Variants in PRKCA observed in about 807,000 individuals in gnomAD.
PRKCA encodes the protein protein kinase C alpha.
Under a neutral mutation model 87.0 loss-of-function variants are expected in PRKCA, and 27 were observed. The observed-to-expected ratio is 0.31, with a 90% confidence interval of 0.23 to 0.43. The LOEUF is 0.43. Among genes scored for constraint, PRKCA ranks in the 20% least tolerant of loss-of-function variants. PRKCA has a pLI of 1.00. For synonymous variants in PRKCA, 329 were observed against 311.1 expected (o/e 1.06, Z -0.61); for missense variants, 518 against 852.3 (o/e 0.61, Z 4.88).
chr17:66,541,216 T>A (rs973806145), intron 3 of PRKCA, among the ~76,000 whole-genome samples: 6 of 152,164 alleles, frequency 3.9e-5, no homozygotes, highest in Admixed American at 2.6e-4. Flanking sequence ...GATTTTGATA[T>A]GTTGTGTGCC....
chr17:66,553,095 C>T (rs1364043390), intron 3 of PRKCA, among the ~76,000 whole-genome samples: 1 of 151,930 alleles, frequency 6.6e-6, no homozygotes, highest in East Asian at 1.9e-4. Flanking sequence ...GATTCTTCTG[C>T]CTCAGCCTCC....
chr17:66,765,432 A>ATCTATATCTATATC lies in PRKCA; in HGVS notation c.1525-8554_1525-8553insCTATATCTATATCT, dbSNP rs1568020958. ...CAAGACTTTGTCTATATATATATAT[A>ATCTATATCTATATC]TATATATATATATATATATATATCC... is the stretch of plus-strand genomic sequence containing the variant. On this transcript the variant is annotated intron_variant, in intron 13 of 16. Coordinates refer to ENST00000413366, the MANE Select transcript of PRKCA (RefSeq NM_002737.3). 1.4e-4 allele frequency among the ~76,000 whole-genome samples: 19 copies of ATCTATATCTATATC among 131,214 alleles called. 1 individual carries two copies. Among genetic ancestry groups the ATCTATATCTATATC allele is most frequent in the Non-Finnish European group, 2.1e-4 (13 of 61,762 alleles). 86.1% of individuals were successfully genotyped at this position (131,214 alleles called of 152,430 possible).
At chr17:66,796,190 A>C (rs560451753) in intron 16 of PRKCA, among the ~76,000 whole-genome samples, 1 of 152,124 alleles carries the variant, frequency 6.6e-6, no homozygotes, top group African/African-American at 2.4e-5. Flanking sequence ...TATCTCCCCA[A>C]CTACTGGTCC....
At chr17:66,596,632 A>G (rs986775023) in intron 3 of PRKCA, among the ~76,000 whole-genome samples, 1 of 109,958 alleles carries the variant, frequency 9.1e-6, no homozygotes, top group African/African-American at 4.0e-5. Context: ...CACATTGTGC[A>G]GGTTAGTTAC....
chr17:66,431,192 T>C (rs140220809), intron 2 of PRKCA, among the ~76,000 whole-genome samples: 73 of 152,356 alleles, frequency 4.8e-4, no homozygotes, highest in African/African-American at 1.7e-3. Flanking sequence ...AACAATGTAT[T>C]TGAAGTTCCT....
chr17:66,741,983 A>G (rs925374441), intron 12 of PRKCA, among the ~76,000 whole-genome samples: 2 of 152,114 alleles, frequency 1.3e-5, no homozygotes, highest in Admixed American at 1.3e-4. Flanking sequence ...AGCTCCTTCC[A>G]CTGCCTTTTC....
At position 66,683,066 on chromosome 17, in the gene PRKCA, C is replaced by A. The variant is rs111408632; in HGVS notation, c.530-4045C>A. Among the ~76,000 whole-genome samples, 6 of 152,274 alleles carry A rather than the reference C, an allele frequency of 3.9e-5. 1 individual carries two copies. Among genetic ancestry groups the A allele is most frequent in the African/African-American group, 1.4e-4 (6 of 41,566 alleles). ...GTTGAAGCAGCAAAGACTTCTGGGG[C>A]TGGAATATCCTTAACACACTAGCGC... On this transcript the variant is annotated intron_variant, in intron 5 of 16. Coordinates refer to ENST00000413366, the MANE Select transcript of PRKCA (RefSeq NM_002737.3).
intron 10 of PRKCA, among the ~76,000 whole-genome samples, chr17:66,736,801 T>G (rs1240150638): frequency 6.6e-6 from 1 of 152,194 alleles, no homozygotes; most frequent in Non-Finnish European, 1.5e-5. Context: ...AATTTTAAAT[T>G]TCAGCATCCA....
intron 2 of PRKCA, among the ~76,000 whole-genome samples, chr17:66,469,921 A>G (rs1915248514): frequency 6.6e-6 from 1 of 152,236 alleles, no homozygotes; most frequent in South Asian, 2.1e-4. Flanking sequence ...AACTTAGAGC[A>G]CTGCGAAGGA....
intron 2 of PRKCA, among the ~76,000 whole-genome samples, chr17:66,493,714 A>G (rs939913851): frequency 6.6e-6 from 1 of 152,154 alleles, no homozygotes; most frequent in African/African-American, 2.4e-5. Flanking sequence ...CTAATAATGC[A>G]TGTGAAGGGA....
chr17:66,534,060 CT>C (rs1257176397), intron 3 of PRKCA, among the ~76,000 whole-genome samples: 1 of 151,598 alleles, frequency 6.6e-6, no homozygotes, highest in African/African-American at 2.4e-5. Context: ...TCTGGAACTG[CT>C]GCCCCCCGCA....
At chr17:66,666,833 C>A (rs560663906) in intron 5 of PRKCA, among the ~76,000 whole-genome samples, 1 of 151,968 alleles carries the variant, frequency 6.6e-6, no homozygotes, top group Non-Finnish European at 1.5e-5. Context: ...TTGAATCCCC[C>A]CCCCACACAC....
At chr17:66,674,596 G>T (rs1242208476) in intron 5 of PRKCA, among the ~76,000 whole-genome samples, 7 of 152,208 alleles carry the variant, frequency 4.6e-5, no homozygotes, top group Non-Finnish European at 1.0e-4. Context: ...TGGGCCAGAA[G>T]ACGGAGCGTC....
At chr17:66,517,405 C>A (rs954503669) in intron 3 of PRKCA, among the ~76,000 whole-genome samples, 1 of 152,198 alleles carries the variant, frequency 6.6e-6, no homozygotes, top group South Asian at 2.1e-4. Context: ...CCACCTCCTG[C>A]GTGCCTCTTT....
At chr17:66,642,508 A>T (rs899814616) in intron 4 of PRKCA, among the ~76,000 whole-genome samples, 7 of 152,170 alleles carry the variant, frequency 4.6e-5, no homozygotes, top group Non-Finnish European at 7.3e-5. Context: ...GGACATGAAA[A>T]GTTAATTGCC....
chr17:66,404,280 A>G (rs1330874690), intron 2 of PRKCA: 1 of 152,214 alleles, frequency 6.6e-6, no homozygotes, highest in Non-Finnish European at 1.5e-5. Flanking sequence ...TTGTCTTGCT[A>G]GAAAAGCCTC....
intron 16 of PRKCA, among the ~76,000 whole-genome samples, chr17:66,795,381 G>A (rs934918492): frequency 2.6e-5 from 4 of 152,110 alleles, no homozygotes; most frequent in Non-Finnish European, 2.9e-5. Flanking sequence ...TCTCAAGATG[G>A]GAAGGTTTGT....
At chr17:66,579,825 G>A (rs1969364233) in intron 3 of PRKCA, among the ~76,000 whole-genome samples, 1 of 152,134 alleles carries the variant, frequency 6.6e-6, no homozygotes, top group Non-Finnish European at 1.5e-5. Context: ...GTGGATTGAA[G>A]GAGAGGCAAG....
At chr17:66,553,775 T>C (rs1968413859) in intron 3 of PRKCA, among the ~76,000 whole-genome samples, 1 of 152,188 alleles carries the variant, frequency 6.6e-6, no homozygotes, top group South Asian at 2.1e-4. Flanking sequence ...TCAGGTACCG[T>C]GCCAGGGCCT....
Sources: gnomAD v4.1 joint callset for allele counts (sites outside exome capture counted in the v4.1 genomes callset) on GRCh38, gnomAD v4.1.1 for gene constraint, MANE v1.5 for transcripts, NCBI Gene and HGNC (gene_info 2026-07-23, HGNC 2026-07-21) for gene names.